FAM184A: variants seen among roughly 807,000 people sequenced by gnomAD.
The protein encoded by FAM184A is family with sequence similarity 184 member A.
In FAM184A, 99 loss-of-function variants were observed where a neutral mutation model predicts 143.8. The ratio of observed to expected loss-of-function variants is 0.69; its 90% confidence interval spans 0.58 to 0.81. FAM184A has a LOEUF of 0.81. Ranked by LOEUF, FAM184A falls within the 40% of genes least tolerant of loss-of-function variation. The probability of loss-of-function intolerance (pLI) is 0.00; values close to 1 mark genes in which losing one functional copy is unlikely to be tolerated. For synonymous variants in FAM184A, 427 were observed against 446.4 expected (o/e 0.96, Z 0.55); for missense variants, 1,217 against 1,310.5 (o/e 0.93, Z 1.10).
chr6:119,097,116 C>T (rs1267232297), intron 1 of FAM184A, among the ~76,000 whole-genome samples: 1 of 152,122 alleles, frequency 6.6e-6, no homozygotes, highest in Admixed American at 6.6e-5. Flanking sequence ...GTCAGAACAA[C>T]GATGACATTC....
intron 9 of FAM184A, among the ~76,000 whole-genome samples, chr6:118,985,275 TG>T (rs1251283161): frequency 1.3e-5 from 2 of 152,176 alleles, no homozygotes; most frequent in African/African-American, 4.8e-5. Context: ...CAGAGACACC[TG>T]GGGCAGCTGA....
intron 9 of FAM184A, among the ~76,000 whole-genome samples, chr6:118,997,244 A>T (rs1446868698): frequency 6.7e-6 from 1 of 150,204 alleles, no homozygotes. Context: ...TACTAAAAAT[A>T]TAAAAATAAG....
At chr6:118,990,720 C>CAAAAAAAAA (rs112192720) in intron 9 of FAM184A, among the ~76,000 whole-genome samples, 3 of 129,740 alleles carry the variant, frequency 2.3e-5, no homozygotes, top group Admixed American at 7.8e-5. Context: ...ACAAAAAATA[C>CAAAAAAAAA]AAAAAAAAAA....
At chr6:118,960,829 T>A in intron 17 of FAM184A, 1 of 1,365,912 alleles carries the variant, frequency 7.3e-7, no homozygotes, top group Non-Finnish European at 9.8e-7. Context: ...AGTAGTCATG[T>A]TCCTTGAGCT....
In FAM184A at chr6:119,024,640, T is replaced by C; in HGVS notation, c.333A>G (p.Leu111=). 1 of 1,614,098 alleles carries C rather than the reference T, an allele frequency of 6.2e-7. No individual in the cohort carries two copies. The highest frequency in any genetic ancestry group is 8.5e-7 in the Non-Finnish European group (1 of 1,179,986). Residue 111 remains leucine, a synonymous_variant, in exon 2 of 18, where the codon TTA becomes TTG. Transcript: ENST00000338891. ...ELDLRRKIQV[L]ESSLEDHIKM... is the part of the protein sequence containing the mutation. ...TTATGTGATCTTCTAATGATGATTC[T>C]AAAACTTGAATCTTTCTTCTAAGGT...
intron 9 of FAM184A, among the ~76,000 whole-genome samples, chr6:118,983,697 C>T (rs930949636): frequency 6.6e-6 from 1 of 152,038 alleles, no homozygotes; most frequent in African/African-American, 2.4e-5. Context: ...AGGTGCCAGA[C>T]ATTTTAGAGA....
chr6:119,076,694 A>G (rs1787883761), intron 1 of FAM184A, among the ~76,000 whole-genome samples: 1 of 152,224 alleles, frequency 6.6e-6, no homozygotes, highest in Non-Finnish European at 1.5e-5. Flanking sequence ...TGGACACATC[A>G]TAAGAGAAAA....
intron 17 of FAM184A, among the ~76,000 whole-genome samples, chr6:118,961,353 T>C (rs1783317761): frequency 6.7e-6 from 1 of 150,198 alleles, no homozygotes; most frequent in African/African-American, 2.4e-5. Context: ...ATAAATAATC[T>C]TGGTAAACAA....
At chr6:119,077,278 A>T (rs1787907980) in intron 1 of FAM184A, among the ~76,000 whole-genome samples, 1 of 152,088 alleles carries the variant, frequency 6.6e-6, no homozygotes, top group Non-Finnish European at 1.5e-5. Context: ...TCTCCTAACA[A>T]GCTGTTAGGA....
chr6:118,968,085 T>A (rs1393384084), intron 14 of FAM184A, among the ~76,000 whole-genome samples: 1 of 151,906 alleles, frequency 6.6e-6, no homozygotes, highest in Non-Finnish European at 1.5e-5. Flanking sequence ...TGTTGGGAGG[T>A]ATGAAGGTGA....
intron 9 of FAM184A, among the ~76,000 whole-genome samples, chr6:118,992,690 G>T (rs1225961723): frequency 1.3e-5 from 2 of 152,152 alleles, no homozygotes; most frequent in African/African-American, 4.8e-5. Context: ...ATTTTGGAAG[G>T]CCGAGGCGGG....
chr6:119,090,171 AG>A (rs1788330918), intron 1 of FAM184A, among the ~76,000 whole-genome samples: 1 of 152,252 alleles, frequency 6.6e-6, no homozygotes. Flanking sequence ...GAGAGAGATA[AG>A]GAAAAGCCAT....
At chr6:119,126,674 G>A (rs545677633) in intron 1 of FAM184A, among the ~76,000 whole-genome samples, 21 of 152,360 alleles carry the variant, frequency 1.4e-4, no homozygotes, top group Non-Finnish European at 2.6e-4. Context: ...GACAGCTTAT[G>A]TGTTTAAAGG....
rs560587932 is a variant in FAM184A, at chr6:119,118,509, C to T, written c.-202+30569G>A. Among the ~76,000 whole-genome samples, 5 of 152,286 alleles carry T rather than the reference C, an allele frequency of 3.3e-5. No individual in the cohort carries two copies. In the South Asian group the frequency reaches 6.2e-4, roughly 19 times the overall value. On this transcript the variant is annotated intron_variant, in intron 1 of 16. Coordinates refer to the FAM184A transcript ENST00000352896. ...ACTGGCTGAAGCCATGGTGGAAGAA[C>T]ATGAATTGTGAAGATTTCATTGACA... is the stretch of plus-strand genomic sequence containing the variant.
Position 119,006,508 on chromosome 6 carries a change from T to C in FAM184A, c.1754A>G (p.Asn585Ser). Residue 585 changes from asparagine (N) to serine (S), a missense_variant, in exon 7 of 18, where the codon AAT (asparagine) becomes AGT (serine). Coordinates refer to ENST00000338891, the MANE Select transcript of FAM184A (RefSeq NM_024581.6). ...SLQDSQERLQ[N>S]ELDLTKDSLK... ...GCTGTCTTTAGTCAAGTCAAGCTCA[T>C]TCTGAAGCCTTTCCTGGGAGTCCTG... is the stretch of plus-strand genomic sequence containing the variant. The C allele has an allele frequency of 6.2e-7, 1 of 1,614,106 alleles. No homozygotes were observed. Among genetic ancestry groups the C allele is most frequent in the Non-Finnish European group, 8.5e-7 (1 of 1,179,966 alleles).
intron 1 of FAM184A, among the ~76,000 whole-genome samples, chr6:119,077,024 T>C (rs1406434735): frequency 3.9e-5 from 6 of 152,246 alleles, no homozygotes; most frequent in African/African-American, 1.4e-4. Context: ...TCTCATTTTG[T>C]AGTCCTTTTA....
chr6:119,025,724 G>A (rs1785609486), intron 1 of FAM184A: 1 of 439,546 alleles, frequency 2.3e-6, no homozygotes, highest in African/African-American at 2.0e-5. Flanking sequence ...TTTGAGATGA[G>A]CCCACTTTCT....
intron 9 of FAM184A, among the ~76,000 whole-genome samples, chr6:118,988,211 A>C (rs190151217): frequency 1.3e-5 from 2 of 152,370 alleles, no homozygotes; most frequent in Non-Finnish European, 1.5e-5. Flanking sequence ...TAAAACACAG[A>C]ACATTAATTA....
intron 1 of FAM184A, among the ~76,000 whole-genome samples, chr6:119,044,974 T>C (rs1191279471): frequency 1.3e-5 from 2 of 152,254 alleles, no homozygotes; most frequent in Non-Finnish European, 2.9e-5. Flanking sequence ...GCACCAAATA[T>C]GTTGAGCAAG....
Sources: allele counts gnomAD v4.1 joint callset (sites outside exome capture counted in the v4.1 genomes callset), GRCh38; gene constraint gnomAD v4.1.1; transcripts MANE v1.5; gene names NCBI Gene and HGNC (gene_info 2026-07-23, HGNC 2026-07-21).